Variants in CFAP97 observed in about 807,000 individuals in gnomAD.
CFAP97 encodes the protein cilia and flagella associated protein 97.
Under a neutral mutation model 43.1 loss-of-function variants are expected in CFAP97, and 36 were observed. The ratio of observed to expected loss-of-function variants is 0.84; its 90% confidence interval spans 0.64 to 1.10. The LOEUF is 1.10. Ranked by LOEUF, CFAP97 falls within the 50% of genes least tolerant of loss-of-function variation. CFAP97 has a pLI of 0.00. For synonymous variants in CFAP97, 228 were observed against 225.7 expected, an observed-to-expected ratio of 1.01 and a Z score of -0.09; for missense variants, 657 against 620.3, an observed-to-expected ratio of 1.06 and a Z score of -0.63.
chr4:185,188,385 C>G (rs1736095337), intron 2 of CFAP97, among the ~76,000 whole-genome samples: 1 of 151,574 alleles, frequency 6.6e-6, no homozygotes, highest in Admixed American at 6.6e-5. Flanking sequence ...CTCTGTCATC[C>G]AGGCTGGAGT....
At chr4:185,178,286 C>T (rs562871402) in intron 2 of CFAP97, among the ~76,000 whole-genome samples, 18 of 139,080 alleles carry the variant, frequency 1.3e-4, no homozygotes, top group Admixed American at 7.4e-4. Context: ...CTTGCTCTGT[C>T]GCCCAGACTG....
upstream of CFAP97, among the ~76,000 whole-genome samples, chr4:185,206,660 C>CAAAAAAA (rs375061067): frequency 6.6e-4 from 51 of 77,348 alleles, no homozygotes; most frequent in African/African-American, 8.6e-4. Flanking sequence ...ACTCTTGTCT[C>CAAAAAAA]AAAAAAAAAA....
At chr4:185,199,148 G>C (rs977217823) in intron 1 of CFAP97, among the ~76,000 whole-genome samples, 2 of 151,938 alleles carry the variant, frequency 1.3e-5, no homozygotes, top group Non-Finnish European at 2.9e-5. Context: ...TGAGACGGGC[G>C]GATCACTTGA....
At chr4:185,172,465 T>C (rs1022757495) in intron 3 of CFAP97, among the ~76,000 whole-genome samples, 6 of 152,232 alleles carry the variant, frequency 3.9e-5, no homozygotes. Flanking sequence ...TCCATCTAAA[T>C]AGCCTCTGAA....
At chr4:185,171,156 A>G (rs924193015) in intron 3 of CFAP97, among the ~76,000 whole-genome samples, 3 of 152,174 alleles carry the variant, frequency 2.0e-5, no homozygotes, top group Admixed American at 1.3e-4. Flanking sequence ...CAATTTTTCT[A>G]CATGAAAAGA....
intron 1 of CFAP97, among the ~76,000 whole-genome samples, chr4:185,192,744 T>TG (rs1560872250): frequency 7.4e-5 from 6 of 81,334 alleles, no homozygotes; most frequent in African/African-American, 1.9e-4. Context: ...TTTTTTTTTT[T>TG]TTTTTTTTTT....
chr4:185,171,452 A>G (rs1735299637), intron 3 of CFAP97, among the ~76,000 whole-genome samples: 1 of 152,226 alleles, frequency 6.6e-6, no homozygotes, highest in African/African-American at 2.4e-5. Flanking sequence ...AGTTAACTTT[A>G]GGCTCCAACC....
chr4:185,167,095 CT>C (rs1479628168), intron 3 of CFAP97, among the ~76,000 whole-genome samples: 5 of 152,236 alleles, frequency 3.3e-5, no homozygotes, highest in Middle Eastern at 3.4e-3. Context: ...ATGGACACCC[CT>C]GGTGTAAGCC....
intron 3 of CFAP97, among the ~76,000 whole-genome samples, chr4:185,173,191 A>C (rs1467905621): frequency 6.6e-6 from 1 of 151,882 alleles, no homozygotes; most frequent in Non-Finnish European, 1.5e-5. Flanking sequence ...GTGAAACCCC[A>C]TCTCTACTAA....
intron 4 of CFAP97, among the ~76,000 whole-genome samples, chr4:185,163,761 T>C (rs1734960309): frequency 6.6e-6 from 1 of 152,184 alleles, no homozygotes; most frequent in Non-Finnish European, 1.5e-5. Context: ...TCAATAAACT[T>C]TGAAATTAAC....
intron 2 of CFAP97, among the ~76,000 whole-genome samples, chr4:185,185,612 T>C (rs1172150969): frequency 6.6e-6 from 1 of 151,086 alleles, no homozygotes; most frequent in African/African-American, 2.4e-5. Context: ...TTCTATATAA[T>C]GTATTCTGAA....
At chr4:185,186,048 AAT>A (rs1735995119) in intron 2 of CFAP97, among the ~76,000 whole-genome samples, 1 of 152,236 alleles carries the variant, frequency 6.6e-6, no homozygotes, top group Non-Finnish European at 1.5e-5. Context: ...AAGAAAGATC[AAT>A]ATGTTTTAAC....
At chr4:185,187,544 C>T (rs1341037329) in intron 2 of CFAP97, among the ~76,000 whole-genome samples, 1 of 151,306 alleles carries the variant, frequency 6.6e-6, no homozygotes, top group East Asian at 1.9e-4. Flanking sequence ...ACTTGAGAAA[C>T]AGGGAGAAGC....
chr4:185,205,088 C>T (rs537003244), upstream of CFAP97, among the ~76,000 whole-genome samples: 5 of 152,296 alleles, frequency 3.3e-5, no homozygotes, highest in East Asian at 3.9e-4. Context: ...TGTCTATTTT[C>T]GTCCTTCACA....
At chr4:185,173,622 A>T (rs1282103830) in intron 3 of CFAP97, among the ~76,000 whole-genome samples, 4 of 152,218 alleles carry the variant, frequency 2.6e-5, no homozygotes, top group Admixed American at 2.6e-4. Context: ...ATTTTAAGTG[A>T]AATAAACCAG....
chr4:185,192,871 G>A (rs1439971576), intron 1 of CFAP97, among the ~76,000 whole-genome samples: 1 of 151,294 alleles, frequency 6.6e-6, no homozygotes, highest in African/African-American at 2.4e-5. Context: ...CTCCCGAGTA[G>A]CTGGGACTAC....
intron 1 of CFAP97, among the ~76,000 whole-genome samples, chr4:185,194,704 G>A (rs138312589): frequency 6.6e-6 from 1 of 152,178 alleles, no homozygotes; most frequent in East Asian, 1.9e-4. Context: ...GTAGACCCTT[G>A]ATTTAGATGA....
intron 2 of CFAP97, among the ~76,000 whole-genome samples, chr4:185,182,993 G>C (rs371861994): frequency 6.6e-6 from 1 of 151,958 alleles, no homozygotes; most frequent in Non-Finnish European, 1.5e-5. Context: ...CCAGCTACTC[G>C]GGAGGCTGAG....
chr4:185,196,290 T>C (rs1165475568), intron 1 of CFAP97, among the ~76,000 whole-genome samples: 1 of 151,960 alleles, frequency 6.6e-6, no homozygotes, highest in Non-Finnish European at 1.5e-5. Context: ...CTGGCCAACA[T>C]GATGAAACCC....
Sources: allele counts gnomAD v4.1 joint callset (sites outside exome capture counted in the v4.1 genomes callset), GRCh38; gene constraint gnomAD v4.1.1; transcripts MANE v1.5; gene names NCBI Gene and HGNC (gene_info 2026-07-23, HGNC 2026-07-21).